NPAS3: variants seen among roughly 807,000 people sequenced by gnomAD.
NPAS3 encodes neuronal PAS domain protein 3.
NPAS3 carries 14 observed loss-of-function variants against 73.1 expected under a neutral mutation model. That is an observed-to-expected ratio of 0.19 (90% CI 0.13 to 0.30). The LOEUF (loss-of-function observed/expected upper bound fraction) is 0.30, where lower values mean the gene tolerates loss of function less well. Among genes scored for constraint, NPAS3 ranks in the 10% least tolerant of loss-of-function variants. NPAS3 has a pLI of 1.00. For synonymous variants in NPAS3, 620 were observed against 541.5 expected (o/e 1.14, Z -2.01); for missense variants, 1,096 against 1,250.0 (o/e 0.88, Z 1.86).
intron 3 of NPAS3, among the ~76,000 whole-genome samples, chr14:33,270,296 T>G (rs1170033739): frequency 6.6e-6 from 1 of 151,394 alleles, no homozygotes; most frequent in Non-Finnish European, 1.5e-5. Context: ...GGGGAATGAG[T>G]GATTGACCCT....
chr14:33,656,549 A>C (rs1220950004), intron 5 of NPAS3, among the ~76,000 whole-genome samples: 1 of 152,188 alleles, frequency 6.6e-6, no homozygotes, highest in Admixed American at 6.5e-5. Context: ...CTGGAATGTG[A>C]CACAGACTGA....
intron 5 of NPAS3, among the ~76,000 whole-genome samples, chr14:33,593,231 T>C (rs573860780): frequency 6.6e-6 from 1 of 152,196 alleles, no homozygotes; most frequent in South Asian, 2.1e-4. Flanking sequence ...TTCAAACAGG[T>C]AGGTATTAAC....
At chr14:33,489,021 G>A (rs1035199230) in intron 4 of NPAS3, among the ~76,000 whole-genome samples, 11 of 152,248 alleles carry the variant, frequency 7.2e-5, no homozygotes, top group African/African-American at 2.4e-4. Context: ...CCCTTAACTC[G>A]CTTTGAAGGT....
At chr14:33,473,697 G>C (rs1308057417) in intron 4 of NPAS3, among the ~76,000 whole-genome samples, 2 of 152,162 alleles carry the variant, frequency 1.3e-5, no homozygotes, top group East Asian at 3.9e-4. Flanking sequence ...TGGAAATAGA[G>C]AGAAAGTTTT....
chr14:33,566,634 G>GA (rs780881485), intron 5 of NPAS3, among the ~76,000 whole-genome samples: 15 of 152,196 alleles, frequency 9.9e-5, no homozygotes, highest in South Asian at 4.2e-4. Flanking sequence ...AGAAAGAGTA[G>GA]AAAAAATCCC....
chr14:33,390,486 C>A (rs1294446669), intron 4 of NPAS3, among the ~76,000 whole-genome samples: 1 of 152,186 alleles, frequency 6.6e-6, no homozygotes, highest in Non-Finnish European at 1.5e-5. Flanking sequence ...TTTCTTTCAG[C>A]AGGAATTAAG....
intron 5 of NPAS3, among the ~76,000 whole-genome samples, chr14:33,660,490 A>G (rs1227023244): frequency 6.6e-6 from 1 of 152,188 alleles, no homozygotes; most frequent in Admixed American, 6.5e-5. Context: ...CCCTCTTGGT[A>G]TGGATTGCAT....
intron 4 of NPAS3, among the ~76,000 whole-genome samples, chr14:33,462,940 C>A (rs1211552381): frequency 6.6e-6 from 1 of 152,184 alleles, no homozygotes. Context: ...AAACAACTGG[C>A]AGACAGAAAG....
intron 4 of NPAS3, among the ~76,000 whole-genome samples, chr14:33,477,322 T>C (rs1030610128): frequency 2.0e-5 from 3 of 152,206 alleles, no homozygotes; most frequent in Non-Finnish European, 4.4e-5. Flanking sequence ...AGATTCACTA[T>C]GGAAAGAGAG....
At chr14:33,488,834 A>G (rs1566945231) in intron 4 of NPAS3, among the ~76,000 whole-genome samples, 2 of 152,160 alleles carry the variant, frequency 1.3e-5, no homozygotes, top group Admixed American at 6.6e-5. Context: ...CATTGATACT[A>G]TATCTATTGA....
chr14:33,735,462 G>A lies in NPAS3; in HGVS notation c.852+130G>A, dbSNP rs1040623263. 1.9e-5 allele frequency: 13 copies of A among 686,978 alleles called. No individual in the cohort carries two copies. The African/African-American group carries it at 1.9e-4, about 10-fold the overall frequency. The allele number at this position is 686,978 out of a possible 1,614,324, so 42.6% of individuals were successfully genotyped here. A position where few individuals can be genotyped will look rare whatever the true frequency, so the allele number is the denominator to read the frequency against. On this transcript the variant is annotated intron_variant, in intron 7 of 11. Transcript: ENST00000356141. ...TCTTGAGGAGCCCATAGGATTCCCA[G>A]TCATCTTCCTGTCTCAAGGCAGGAG...
intron 5 of NPAS3, among the ~76,000 whole-genome samples, chr14:33,668,756 T>C (rs939074391): frequency 1.3e-5 from 2 of 152,030 alleles, no homozygotes; most frequent in Non-Finnish European, 2.9e-5. Context: ...GAGGCGGAGG[T>C]TGCAGAGAGC....
chr14:33,405,231 C>G (rs1363033076), intron 4 of NPAS3, among the ~76,000 whole-genome samples: 1 of 151,938 alleles, frequency 6.6e-6, no homozygotes, highest in Non-Finnish European at 1.5e-5. Context: ...CCTTTCTGAA[C>G]TATTGGTTTT....
chr14:33,457,739 C>T (rs977655395), intron 4 of NPAS3, among the ~76,000 whole-genome samples: 3 of 152,122 alleles, frequency 2.0e-5, no homozygotes, highest in African/African-American at 4.8e-5. Context: ...TGTAGCCTTG[C>T]CCTTAGCGTG....
At chr14:33,776,791 G>A (rs180678098) in intron 8 of NPAS3, among the ~76,000 whole-genome samples, 1 of 152,078 alleles carries the variant, frequency 6.6e-6, no homozygotes, top group African/African-American at 2.4e-5. Context: ...AGAGTAAAAG[G>A]TGCCATCAGG....
chr14:33,181,938 A>G (rs544473470), intron 2 of NPAS3, among the ~76,000 whole-genome samples: 1 of 152,272 alleles, frequency 6.6e-6, no homozygotes, highest in South Asian at 2.1e-4. Context: ...TAAGGTGTAC[A>G]GTGCTTTTCA....
chr14:33,047,355 C>A (rs1313395195), intron 1 of NPAS3, among the ~76,000 whole-genome samples: 1 of 152,056 alleles, frequency 6.6e-6, no homozygotes, highest in Non-Finnish European at 1.5e-5. Flanking sequence ...ACCCAAATCC[C>A]CATTGTGCAT....
intron 5 of NPAS3, among the ~76,000 whole-genome samples, chr14:33,632,650 G>T (rs764661744): frequency 6.6e-6 from 1 of 152,132 alleles, no homozygotes; most frequent in East Asian, 1.9e-4. Flanking sequence ...AGTCCAGTTC[G>T]TAATGCACAA....
intron 7 of NPAS3, among the ~76,000 whole-genome samples, chr14:33,738,283 C>G (rs1312289131): frequency 1.3e-5 from 2 of 152,178 alleles, no homozygotes; most frequent in Non-Finnish European, 2.9e-5. Context: ...ATCGAATCCT[C>G]CAAGGCTGTC....
Sources: allele counts gnomAD v4.1 joint callset (sites outside exome capture counted in the v4.1 genomes callset), GRCh38; gene constraint gnomAD v4.1.1; transcripts MANE v1.5; gene names NCBI Gene and HGNC (gene_info 2026-07-23, HGNC 2026-07-21).